Variants in NPSR1 observed in about 807,000 individuals in gnomAD.
NPSR1 encodes the protein neuropeptide S receptor 1, also known as neuropeptide S receptor.
Under a neutral mutation model 46.9 loss-of-function variants are expected in NPSR1, and 48 were observed. The observed-to-expected ratio is 1.02, with a 90% CI of 0.81 to 1.30. The LOEUF (loss-of-function observed/expected upper bound fraction) is 1.30. Ranked by LOEUF, NPSR1 falls within the 50% of genes most tolerant of loss-of-function variation. The pLI is 0.00. For missense variants in NPSR1, 450 were observed against 449.5 expected (o/e 1.00, Z -0.01); for synonymous variants, 176 against 168.1 (o/e 1.05, Z -0.36).
At chr7:34,850,027 A>C, downstream of NPSR1, 129 of 977,510 alleles carry the variant, frequency 1.3e-4, no homozygotes, top group Middle Eastern at 5.2e-4. Context: ...GAATATTCTC[A>C]TTACAATAGA....
intron 1 of NPSR1, among the ~76,000 whole-genome samples, chr7:34,661,062 T>C (rs918416513): frequency 6.6e-6 from 1 of 152,224 alleles, no homozygotes; most frequent in African/African-American, 2.4e-5. Context: ...TCATACTCAA[T>C]AAACATTGAC....
At chr7:34,667,620 G>A (rs2128672119) in intron 1 of NPSR1, among the ~76,000 whole-genome samples, 1 of 152,128 alleles carries the variant, frequency 6.6e-6, no homozygotes, top group East Asian at 1.9e-4. Context: ...AAATAAAAAA[G>A]AAACTTCCTG....
At chr7:34,837,560 G>A (rs1169589453) in intron 6 of NPSR1, among the ~76,000 whole-genome samples, 1 of 152,196 alleles carries the variant, frequency 6.6e-6, no homozygotes, top group Non-Finnish European at 1.5e-5. Context: ...ATACTGCACA[G>A]GCAGTGAGTT....
chr7:34,863,470 C>A (rs1345023581), intron 8 of NPSR1, among the ~76,000 whole-genome samples: 1 of 151,626 alleles, frequency 6.6e-6, no homozygotes. Context: ...AAAATTTTTG[C>A]AATCTATCCA....
chr7:34,822,002 C>G (rs1349043930), intron 4 of NPSR1, among the ~76,000 whole-genome samples: 3 of 152,086 alleles, frequency 2.0e-5, no homozygotes, highest in Non-Finnish European at 4.4e-5. Flanking sequence ...GGAAAGAAGC[C>G]ATCCAAATAC....
At chr7:34,876,418 A>G (rs13310444) in intron 8 of NPSR1, among the ~76,000 whole-genome samples, 45 of 152,324 alleles carry the variant, frequency 3.0e-4, no homozygotes, top group African/African-American at 1.0e-3. Context: ...ATAGGAAAGT[A>G]CTTAGCACAG....
intron 8 of NPSR1, among the ~76,000 whole-genome samples, chr7:34,877,426 G>T (rs1484342340): frequency 6.6e-6 from 1 of 152,226 alleles, no homozygotes; most frequent in African/African-American, 2.4e-5. Flanking sequence ...GAGAGAGTGT[G>T]GCAGCCAGGC....
At chr7:34,814,675 C>T (rs1789156322) in intron 4 of NPSR1, among the ~76,000 whole-genome samples, 2 of 152,176 alleles carry the variant, frequency 1.3e-5, no homozygotes, top group South Asian at 4.1e-4. Context: ...GTGGGTGCCC[C>T]TCTGGGACAA....
chr7:34,764,047 C>T (rs1459355316), intron 2 of NPSR1, among the ~76,000 whole-genome samples: 1 of 152,054 alleles, frequency 6.6e-6, no homozygotes, highest in African/African-American at 2.4e-5. Context: ...CTGATTACTC[C>T]AATTTAAAGA....
At chr7:34,830,298 T>G (rs1158418887) in intron 5 of NPSR1, among the ~76,000 whole-genome samples, 1 of 152,244 alleles carries the variant, frequency 6.6e-6, no homozygotes, top group African/African-American at 2.4e-5. Flanking sequence ...TTCACTCGTG[T>G]TCACCATGCC....
chr7:34,807,186 C>T (rs185276722), intron 3 of NPSR1, among the ~76,000 whole-genome samples: 8 of 152,182 alleles, frequency 5.3e-5, no homozygotes, highest in Admixed American at 5.2e-4. Context: ...TTACTAATTT[C>T]TGCTTCATTG....
At chr7:34,868,121 C>G (rs889281423) in intron 8 of NPSR1, among the ~76,000 whole-genome samples, 5 of 151,670 alleles carry the variant, frequency 3.3e-5, no homozygotes, top group Non-Finnish European at 7.3e-5. Context: ...TTAAATAAAC[C>G]TCTGGTGAAT....
intron 1 of NPSR1, among the ~76,000 whole-genome samples, chr7:34,674,808 C>A (rs1170623080): frequency 6.6e-6 from 1 of 152,096 alleles, no homozygotes; most frequent in Non-Finnish European, 1.5e-5. Context: ...CCATAGAGTC[C>A]CTCCATTCCT....
chr7:34,751,035 G>C, intron 2 of NPSR1: 2 of 773,672 alleles, frequency 2.6e-6, no homozygotes. Context: ...TTGAGACTCA[G>C]GGTTGATGAG....
chr7:34,806,169 G>T (rs1029203455), intron 3 of NPSR1, among the ~76,000 whole-genome samples: 2 of 152,074 alleles, frequency 1.3e-5, no homozygotes, highest in Non-Finnish European at 2.9e-5. Context: ...CCCAGCAATT[G>T]TAAGGCTATG....
At chr7:34,749,748 G>T in intron 2 of NPSR1, among the ~76,000 whole-genome samples, 1 of 152,172 alleles carries the variant, frequency 6.6e-6, no homozygotes, top group East Asian at 1.9e-4. Flanking sequence ...GTTCAATTTC[G>T]TATCCTTAGA....
At chr7:34,835,650 C>G (rs1358659274) in intron 6 of NPSR1, among the ~76,000 whole-genome samples, 1 of 152,120 alleles carries the variant, frequency 6.6e-6, no homozygotes, top group East Asian at 1.9e-4. Flanking sequence ...GTCTCTTTCC[C>G]TAGAAGTATG....
chr7:34,726,233 C>T (rs903090545), intron 2 of NPSR1, among the ~76,000 whole-genome samples: 2 of 152,140 alleles, frequency 1.3e-5, no homozygotes, highest in African/African-American at 4.8e-5. Flanking sequence ...TAAAGATACA[C>T]AGATGGCAAA....
Position 34,719,275 on chromosome 7 carries a change from A to G in NPSR1, c.280+34591A>G, listed in dbSNP as rs75920841. ...CCCAAGGGACTGCAAATACCCTCAC[A>G]GTATATGCTGTGCATGCATATGTGG... is the stretch of plus-strand genomic sequence containing the variant. On this transcript the variant is annotated intron_variant, in intron 2 of 8. Coordinates refer to ENST00000360581, the MANE Select transcript of NPSR1 (RefSeq NM_207172.2). 6.0e-3 allele frequency: 917 copies of G among 152,418 alleles called. 34 individuals carry two copies. In the East Asian group the frequency reaches 0.1, roughly 17 times the overall value. The allele number at this position is 152,418 out of a possible 1,614,324, so 9.4% of individuals were successfully genotyped here. A position where few individuals can be genotyped will look rare whatever the true frequency, so the allele number is the denominator to read the frequency against.
Sources: gnomAD v4.1 joint callset for allele counts (sites outside exome capture counted in the v4.1 genomes callset) on GRCh38, gnomAD v4.1.1 for gene constraint, MANE v1.5 for transcripts, NCBI Gene and HGNC (gene_info 2026-07-23, HGNC 2026-07-21) for gene names.